The following BRINP3 variants were observed in gnomAD, a reference collection of about 807,000 sequenced individuals.
The protein encoded by BRINP3 is BMP/retinoic acid-inducible neural-specific protein 3.
Under a neutral mutation model 71.0 loss-of-function variants are expected in BRINP3, and 19 were observed. The observed-to-expected ratio is 0.27, with a 90% CI of 0.19 to 0.39. The LOEUF (loss-of-function observed/expected upper bound fraction) is 0.39. Among genes scored for constraint, BRINP3 ranks in the 10% least tolerant of loss-of-function variants. The probability of loss-of-function intolerance (pLI) is 1.00; values close to 1 mark genes in which losing one functional copy is unlikely to be tolerated. For synonymous variants in BRINP3, 380 were observed against 337.7 expected (o/e 1.13, Z -1.37); for missense variants, 959 against 940.8 (o/e 1.02, Z -0.25).
chr1:190,149,424 T>C (rs1209574767), intron 7 of BRINP3, among the ~76,000 whole-genome samples: 3 of 152,228 alleles, frequency 2.0e-5, no homozygotes, highest in Non-Finnish European at 4.4e-5. Flanking sequence ...ATGAATGATT[T>C]AATAATTTCA....
intron 2 of BRINP3, among the ~76,000 whole-genome samples, chr1:190,453,042 G>A (rs1167574164): frequency 6.6e-6 from 1 of 151,862 alleles, no homozygotes; most frequent in East Asian, 1.9e-4. Flanking sequence ...CTCTTGCAGA[G>A]TGCTAAAATC....
At chr1:190,315,133 C>A (rs1353585861) in intron 2 of BRINP3, among the ~76,000 whole-genome samples, 1 of 151,872 alleles carries the variant, frequency 6.6e-6, no homozygotes, top group African/African-American at 2.4e-5. Flanking sequence ...TTATTGAAGA[C>A]TTTGATAAAA....
At position 190,396,713 on chromosome 1, in the gene BRINP3, G is replaced by GATATATATATATATATATATATAT. The variant is rs3077327; in HGVS notation, c.236+57918_236+57941dup. Among the ~76,000 whole-genome samples, 582 of 100,750 alleles carry GATATATATATATATATATATATAT rather than the reference G, an allele frequency of 5.8e-3. 17 individuals are homozygous for GATATATATATATATATATATATAT. The highest frequency in any genetic ancestry group is 8.4e-3 in the South Asian group (24 of 2,848). 66.1% of individuals were successfully genotyped at this position (100,750 alleles called of 152,430 possible). ...ACGCACTATGCATTCCTAATTTAAT[G>GATATATATATATATATATATATAT]ATATATATATATATATATATATATA... is the stretch of plus-strand genomic sequence containing the variant. On this transcript the variant is annotated intron_variant, in intron 2 of 7. Coordinates refer to ENST00000367462, the MANE Select transcript of BRINP3 (RefSeq NM_199051.3).
At position 190,191,695 on chromosome 1, in the gene BRINP3, T is replaced by A. The variant is rs143508904; in HGVS notation, c.962-30805A>T. 7.2e-3 allele frequency among the ~76,000 whole-genome samples: 1,095 copies of A among 152,232 alleles called. 6 individuals are homozygous for A. Among genetic ancestry groups the A allele is most frequent in the Non-Finnish European group, 0.013 (859 of 67,998 alleles). ...GGTTGGTTCCATGTCCTTGCTATTG[T>A]AAATAGTGCTGCAATAAACGTATGT... is the stretch of plus-strand genomic sequence containing the variant. On this transcript the variant is annotated intron_variant, in intron 6 of 7. Coordinates refer to ENST00000367462, the MANE Select transcript of BRINP3 (RefSeq NM_199051.3).
intron 2 of BRINP3, among the ~76,000 whole-genome samples, chr1:190,428,467 AG>A (rs1673873151): frequency 6.6e-6 from 1 of 152,014 alleles, no homozygotes; most frequent in Non-Finnish European, 1.5e-5. Flanking sequence ...AATGAAAAAA[AG>A]TATTTACCTT....
chr1:190,105,324 T>A (rs2102259618), intron 7 of BRINP3, among the ~76,000 whole-genome samples: 1 of 152,144 alleles, frequency 6.6e-6, no homozygotes, highest in East Asian at 1.9e-4. Context: ...CTTTAATTTA[T>A]TAACCTAAAT....
chr1:190,196,134 T>C (rs1006143322), intron 6 of BRINP3, among the ~76,000 whole-genome samples: 1 of 152,126 alleles, frequency 6.6e-6, no homozygotes, highest in Non-Finnish European at 1.5e-5. Context: ...AAGCAGACAT[T>C]GCCATCAATC....
intron 6 of BRINP3, among the ~76,000 whole-genome samples, chr1:190,194,646 T>C (rs1654323784): frequency 6.6e-6 from 1 of 152,070 alleles, no homozygotes; most frequent in South Asian, 2.1e-4. Context: ...TTTTTTCCTA[T>C]TTACTATTGT....
At chr1:190,397,472 C>T (rs566651948) in intron 2 of BRINP3, among the ~76,000 whole-genome samples, 1 of 152,014 alleles carries the variant, frequency 6.6e-6, no homozygotes, top group Admixed American at 6.6e-5. Context: ...ATTTTATCTA[C>T]CCACCCTTAA....
chr1:190,183,087 G>C (rs815344), intron 6 of BRINP3, among the ~76,000 whole-genome samples: 1 of 151,698 alleles, frequency 6.6e-6, no homozygotes. Context: ...TTAGCAATCA[G>C]TCTAACTTGT....
intron 2 of BRINP3, among the ~76,000 whole-genome samples, chr1:190,360,579 T>A (rs971613872): frequency 3.4e-4 from 51 of 152,208 alleles, no homozygotes; most frequent in African/African-American, 1.2e-3. Flanking sequence ...CTTTTGAAAT[T>A]ATGAATTTCT....
At chr1:190,197,192 G>C (rs763804108) in intron 6 of BRINP3, among the ~76,000 whole-genome samples, 1 of 150,572 alleles carries the variant, frequency 6.6e-6, no homozygotes, top group Non-Finnish European at 1.5e-5. Context: ...CAGATCTGAT[G>C]AGATTCAATT....
intron 2 of BRINP3, among the ~76,000 whole-genome samples, chr1:190,356,205 A>C (rs1668718569): frequency 6.6e-6 from 1 of 151,976 alleles, no homozygotes; most frequent in South Asian, 2.1e-4. Context: ...GTTTGGGTTA[A>C]CTCTAAATTT....
intron 2 of BRINP3, among the ~76,000 whole-genome samples, chr1:190,339,690 A>C (rs1380191395): frequency 6.6e-6 from 1 of 151,884 alleles, no homozygotes; most frequent in Non-Finnish European, 1.5e-5. Context: ...GTACTATTTA[A>C]AAAATATTAA....
chr1:190,100,302 A>C (rs1477434320), intron 7 of BRINP3, among the ~76,000 whole-genome samples: 1 of 152,148 alleles, frequency 6.6e-6, no homozygotes, highest in Non-Finnish European at 1.5e-5. Flanking sequence ...TCAATCCTTT[A>C]AATATCTACT....
intron 7 of BRINP3, among the ~76,000 whole-genome samples, chr1:190,158,219 T>C (rs1016218344): frequency 1.3e-5 from 2 of 152,014 alleles, no homozygotes; most frequent in Non-Finnish European, 2.9e-5. Context: ...AAATGGGAGT[T>C]TCCCTGCACA....
At chr1:190,233,350 G>A (rs995871131) in intron 5 of BRINP3, among the ~76,000 whole-genome samples, 1 of 151,726 alleles carries the variant, frequency 6.6e-6, no homozygotes, top group Non-Finnish European at 1.5e-5. Flanking sequence ...CAACACCAGC[G>A]CCCAGATAAT....
chr1:190,349,829 G>C (rs143982673), intron 2 of BRINP3, among the ~76,000 whole-genome samples: 1 of 152,196 alleles, frequency 6.6e-6, no homozygotes, highest in East Asian at 1.9e-4. Flanking sequence ...GAGGAAGAAA[G>C]TGCTTACCAT....
At chr1:190,153,217 CAGACAA>C (rs1656573821) in intron 7 of BRINP3, among the ~76,000 whole-genome samples, 1 of 152,128 alleles carries the variant, frequency 6.6e-6, no homozygotes, top group African/African-American at 2.4e-5. Context: ...AATCGGAATT[CAGACAA>C]CTAAGACATT....
Sources: gnomAD v4.1 joint callset for allele counts (sites outside exome capture counted in the v4.1 genomes callset) on GRCh38, gnomAD v4.1.1 for gene constraint, MANE v1.5 for transcripts, NCBI Gene and HGNC (gene_info 2026-07-23, HGNC 2026-07-21) for gene names.